Variants in KBTBD11 observed in about 807,000 individuals in gnomAD.
KBTBD11 encodes kelch repeat and BTB domain-containing protein 11.
For missense variants in KBTBD11, 1,390 were observed against 1,001.8 expected (o/e 1.39, Z -5.23); for synonymous variants, 747 against 499.0 (o/e 1.50, Z -6.63).
chr8:1,985,118 C>T (rs1057246850), intron 1 of KBTBD11, among the ~76,000 whole-genome samples: 6 of 152,222 alleles, frequency 3.9e-5, no homozygotes, highest in Non-Finnish European at 8.8e-5. Flanking sequence ...TGCCGACAGC[C>T]AGTCAGAGTG....
At chr8:1,989,014 CAG>C (rs1448493817) in intron 1 of KBTBD11, among the ~76,000 whole-genome samples, 1 of 152,112 alleles carries the variant, frequency 6.6e-6, no homozygotes, top group Admixed American at 6.6e-5. Context: ...TAAAATGAAA[CAG>C]ATTTATTTTA....
intron 1 of KBTBD11, among the ~76,000 whole-genome samples, chr8:1,980,778 GTC>G (rs1238951400): frequency 1.3e-5 from 2 of 152,200 alleles, no homozygotes; most frequent in African/African-American, 4.8e-5. Context: ...TCTGTTAACT[GTC>G]TTTTCTGAGA....
intron 1 of KBTBD11, chr8:1,976,312 T>G (rs1816341851): frequency 6.6e-6 from 1 of 152,190 alleles, no homozygotes; most frequent in Non-Finnish European, 1.5e-5. Flanking sequence ...TTGAAATCAT[T>G]GTAATTAAGC....
chr8:1,993,420 TCCACCCAC>T (rs75571845), intron 1 of KBTBD11, among the ~76,000 whole-genome samples: 36,434 of 139,660 alleles, frequency 0.26, 5,104 homozygotes, highest in South Asian at 0.39. Context: ...CATCCATCCA[TCCACCCAC>T]CCACCCATCC....
chr8:1,982,559 A>G (rs1816573785), intron 1 of KBTBD11, among the ~76,000 whole-genome samples: 1 of 152,192 alleles, frequency 6.6e-6, no homozygotes, highest in Admixed American at 6.5e-5. Flanking sequence ...AAGGGATGGG[A>G]ACAGATACTC....
At chr8:1,976,169 G>A (rs1359649104) in intron 1 of KBTBD11, 1 of 152,164 alleles carries the variant, frequency 6.6e-6, no homozygotes, top group African/African-American at 2.4e-5. Context: ...GGAGAACAGC[G>A]GGTTTCCTGA....
intron 1 of KBTBD11, among the ~76,000 whole-genome samples, chr8:1,975,564 G>T (rs1563359064): frequency 6.6e-6 from 1 of 152,238 alleles, no homozygotes; most frequent in Middle Eastern, 3.2e-3. Flanking sequence ...CACCGCCTAG[G>T]TGTGTAGGTG....
intron 1 of KBTBD11, among the ~76,000 whole-genome samples, chr8:1,981,105 C>T (rs996682013): frequency 2.0e-5 from 3 of 152,138 alleles, no homozygotes; most frequent in Admixed American, 2.0e-4. Context: ...TAGCAGAAAC[C>T]TAACAGGCCA....
Position 1,973,696 on chromosome 8 carries a change from C to A in KBTBD11, c.-1148C>A. ...CTCCCCGCGCCCCGCGCGCGCCCCTCGCAGCCTGGAGCCGGAGCGCTGGCT... is the reference window on the plus strand; with the variant it reads ...CTCCCCGCGCCCCGCGCGCGCCCCTAGCAGCCTGGAGCCGGAGCGCTGGCT... On this transcript the variant is annotated 5_prime_UTR_variant, in exon 1 of 2. Transcript: ENST00000320248. 3.0e-6 allele frequency: 3 copies of A among 983,774 alleles called. No homozygotes were observed. Among genetic ancestry groups the A allele is most frequent in the Non-Finnish European group, 2.4e-6 (2 of 829,288 alleles). The allele number at this position is 983,774 out of a possible 1,614,324, so 60.9% of individuals were successfully genotyped here. A position where few individuals can be genotyped will look rare whatever the true frequency, so the allele number is the denominator to read the frequency against.
intron 1 of KBTBD11, among the ~76,000 whole-genome samples, chr8:1,984,195 T>C (rs553822775): frequency 2.0e-5 from 3 of 150,464 alleles, no homozygotes; most frequent in African/African-American, 7.4e-5. Flanking sequence ...CCAAACACTT[T>C]GGGAGGCCGA....
intron 1 of KBTBD11, among the ~76,000 whole-genome samples, chr8:1,982,171 C>T (rs546491346): frequency 6.6e-6 from 1 of 152,280 alleles, no homozygotes; most frequent in African/African-American, 2.4e-5. Context: ...TCAGTTAAAT[C>T]GTCAGCTTAA....
intron 1 of KBTBD11, among the ~76,000 whole-genome samples, chr8:1,979,074 G>A (rs1012637959): frequency 6.6e-6 from 1 of 152,112 alleles, no homozygotes; most frequent in Non-Finnish European, 1.5e-5. Flanking sequence ...GTGCATGTGT[G>A]TGCATGTGTC....
In KBTBD11 at chr8:2,002,220, T is replaced by A; in HGVS notation, c.1028T>A (p.Leu343Gln). Reference sequence around the variant, plus strand: ...GGAGAGTGGCGCGAGCTGACGCGGCTGCCCGAGGGCGCGCCGGCGCGGGGC... The same window carrying A: ...GGAGAGTGGCGCGAGCTGACGCGGCAGCCCGAGGGCGCGCCGGCGCGGGGC... Reference protein sequence around the residue: ...AAGEWRELTRLPEGAPARGCG... With the variant: ...AAGEWRELTRQPEGAPARGCG... Residue 343 changes from leucine (L) to glutamine (Q), a missense_variant, in exon 2 of 2, where the codon CTG becomes CAG. Leu to Gln is a moderately radical substitution (Grantham distance 113, BLOSUM62 -2). Coordinates refer to ENST00000320248, the MANE Select transcript of KBTBD11 (RefSeq NM_014867.3). The surrounding 1 kb of genome is among the most constrained non-coding windows in gnomAD (Gnocchi z 4.1). 8.0e-7 allele frequency: 1 copy of A among 1,257,544 alleles called. No individual in the cohort carries two copies. The highest frequency in any genetic ancestry group is 9.9e-7 in the Non-Finnish European group (1 of 1,006,322). 77.9% of individuals were successfully genotyped at this position (1,257,544 alleles called of 1,614,324 possible). A position where few individuals can be genotyped will look rare whatever the true frequency, so the allele number is the denominator to read the frequency against.
Position 1,985,538 on chromosome 8 carries a change from G to A in KBTBD11, c.-909+11603G>A, listed in dbSNP as rs186980839. On this transcript the variant is annotated intron_variant, in intron 1 of 1. Coordinates refer to ENST00000320248, the MANE Select transcript of KBTBD11 (RefSeq NM_014867.3). ...GCTTCCAGCCTGGGTGCCATGTGGC[G>A]TTTACCAAGGTGGGATCCTTGTTTT... 2.5e-3 allele frequency among the ~76,000 whole-genome samples: 384 copies of A among 152,396 alleles called. 1 individual carries two copies. Among genetic ancestry groups the A allele is most frequent in the African/African-American group, 8.5e-3 (352 of 41,602 alleles).
At position 2,000,660 on chromosome 8, in the gene KBTBD11, G is replaced by C. The variant is rs1270354951; in HGVS notation, c.-533G>C. ...CTGTGTTCTGGGGGCGCGGTGATATGACAGCATGTGAAGTGAGTGGGTGAG... is the reference window on the plus strand; with the variant it reads ...CTGTGTTCTGGGGGCGCGGTGATATCACAGCATGTGAAGTGAGTGGGTGAG... On this transcript the variant is annotated 5_prime_UTR_variant, in exon 2 of 2. It removes an upstream start codon present in the reference 5' UTR. Transcript: ENST00000320248. 6.5e-6 allele frequency: 1 copy of C among 153,666 alleles called. No homozygotes were observed. The highest frequency in any genetic ancestry group is 1.4e-5 in the Non-Finnish European group (1 of 69,090). The allele number at this position is 153,666 out of a possible 1,614,324, so 9.5% of individuals were successfully genotyped here.
Position 2,002,655 on chromosome 8 carries a change from G to C in KBTBD11, c.1463G>C (p.Ser488Thr). The change falls in exon 2 of 2, where the codon AGC becomes ACC. Residue 488 changes from serine to threonine, a missense_variant. Transcript: ENST00000320248. This position sits in a 1 kb window ranked among gnomAD's most constrained non-coding sequence, Gnocchi z 4.1. Reference protein sequence around the residue: ...DEWQECPCSSSRERSADMVAL... With the variant: ...DEWQECPCSSTRERSADMVAL... ...TGGCAGGAGTGCCCGTGCAGCAGCA[G>C]CCGCGAGCGCTCGGCCGACATGGTG... is the stretch of plus-strand genomic sequence containing the variant. The C allele has an allele frequency of 6.3e-7, 1 of 1,575,800 alleles. No homozygotes were observed. Among genetic ancestry groups the C allele is most frequent in the Non-Finnish European group, 8.5e-7 (1 of 1,169,988 alleles).
At position 2,001,397 on chromosome 8, in the gene KBTBD11, G is replaced by C; in HGVS notation, c.205G>C (p.Gly69Arg). The C allele has an allele frequency of 4.2e-6, 6 of 1,422,778 alleles. No individual in the cohort carries two copies. Among genetic ancestry groups the C allele is most frequent in the South Asian group, 1.4e-5 (1 of 69,988 alleles). 88.1% of individuals were successfully genotyped at this position (1,422,778 alleles called of 1,614,324 possible). ...CGCGGCCACCTCCCCGCCCTCCAGC[G>C]GTGGCCCGCGGGTGGTGGAGCGGCA... Reference protein sequence around the residue: ...EGAATSPPSSGGPRVVERQWE... With the variant: ...EGAATSPPSSRGPRVVERQWE... The change falls in exon 2 of 2, where the codon GGT becomes CGT. Residue 69 changes from glycine to arginine, a missense_variant. By Grantham distance (125) the Gly-to-Arg change is moderately radical. Transcript: ENST00000320248.
chr8:1,985,859 GTTAAAAGAGTT>G (rs2129310936), intron 1 of KBTBD11, among the ~76,000 whole-genome samples: 1 of 152,304 alleles, frequency 6.6e-6, no homozygotes, highest in Non-Finnish European at 1.5e-5. Flanking sequence ...TTAGTGAGAC[GTTAAAAGAGTT>G]TGTAAAGAAC....
chr8:1,990,170 G>A (rs1040671821), intron 1 of KBTBD11, among the ~76,000 whole-genome samples: 3 of 152,214 alleles, frequency 2.0e-5, no homozygotes, highest in Non-Finnish European at 2.9e-5. Context: ...GGAAGATGCC[G>A]GGAGCCTGTC....
Sources: gnomAD v4.1 joint callset for allele counts (sites outside exome capture counted in the v4.1 genomes callset) on GRCh38, gnomAD v4.1.1 for gene constraint, Gnocchi (gnomAD v3.1) non-coding constraint, MANE v1.5 for transcripts, NCBI Gene and HGNC (gene_info 2026-07-23, HGNC 2026-07-21) for gene names.